PTPRM: variants seen among roughly 807,000 people sequenced by gnomAD.
The protein encoded by PTPRM is protein tyrosine phosphatase receptor type M, also known as receptor-type tyrosine-protein phosphatase mu.
In PTPRM, 47 loss-of-function variants were observed where a neutral mutation model predicts 186.7. That is an observed-to-expected ratio of 0.25 (90% confidence interval 0.20 to 0.32). The LOEUF (loss-of-function observed/expected upper bound fraction) is 0.32. PTPRM is among the 10% of genes least tolerant of loss of function. The pLI, the probability that PTPRM is intolerant of heterozygous loss-of-function variation, is 1.00. For missense variants in PTPRM, 1,494 were observed against 1,865.0 expected (o/e 0.80, Z 3.66); for synonymous variants, 668 against 674.9 (o/e 0.99, Z 0.16).
chr18:8,117,672 C>T (rs1445716482), intron 13 of PTPRM, among the ~76,000 whole-genome samples: 2 of 152,002 alleles, frequency 1.3e-5, no homozygotes, highest in Non-Finnish European at 2.9e-5. Flanking sequence ...GCATCCTCTT[C>T]GTTTATGCAC....
At chr18:7,901,556 G>A (rs1345578778) in intron 3 of PTPRM, among the ~76,000 whole-genome samples, 3 of 151,992 alleles carry the variant, frequency 2.0e-5, no homozygotes, top group African/African-American at 7.2e-5. Flanking sequence ...TAGTAGAGAC[G>A]GGTTTCACCA....
chr18:8,336,577 A>G (rs2095440374), intron 22 of PTPRM, among the ~76,000 whole-genome samples: 1 of 149,240 alleles, frequency 6.7e-6, no homozygotes, highest in Non-Finnish European at 1.5e-5. Flanking sequence ...AGAGAGACAG[A>G]CAGAGACAGA....
chr18:7,938,224 A>G (rs942501466), intron 5 of PTPRM, among the ~76,000 whole-genome samples: 6 of 152,222 alleles, frequency 3.9e-5, no homozygotes, highest in African/African-American at 7.2e-5. Flanking sequence ...GACAATTCCT[A>G]TGCAAATTCA....
At chr18:7,707,571 C>A (rs1484245385) in intron 1 of PTPRM, among the ~76,000 whole-genome samples, 1 of 152,070 alleles carries the variant, frequency 6.6e-6, no homozygotes, top group Admixed American at 6.6e-5. Context: ...CCCAGGAATT[C>A]GAGGCTACGG....
At chr18:8,325,995 G>GT (rs1355922314) in intron 22 of PTPRM, among the ~76,000 whole-genome samples, 26 of 152,078 alleles carry the variant, frequency 1.7e-4, no homozygotes, top group South Asian at 4.1e-4. Flanking sequence ...ATCTGTTCCT[G>GT]TTTTTTGCCA....
intron 14 of PTPRM, among the ~76,000 whole-genome samples, chr18:8,208,710 C>G (rs2146931788): frequency 6.6e-6 from 1 of 152,312 alleles, no homozygotes; most frequent in African/African-American, 2.4e-5. Context: ...CAGAATCTCA[C>G]TATGTTGCCC....
intron 22 of PTPRM, among the ~76,000 whole-genome samples, chr18:8,332,305 T>TTCCCAGGC (rs1223868642): frequency 6.6e-6 from 1 of 152,212 alleles, no homozygotes; most frequent in East Asian, 1.9e-4. Flanking sequence ...AGACAGAGGT[T>TTCCCAGGC]TCCCAGGCTA....
intron 14 of PTPRM, among the ~76,000 whole-genome samples, chr18:8,227,185 A>G (rs1234416946): frequency 6.6e-6 from 1 of 152,210 alleles, no homozygotes; most frequent in East Asian, 1.9e-4. Flanking sequence ...CCAACCTAAT[A>G]AAATATATTC....
At chr18:7,812,202 C>T (rs1010632528) in intron 2 of PTPRM, among the ~76,000 whole-genome samples, 1 of 152,156 alleles carries the variant, frequency 6.6e-6, no homozygotes, top group South Asian at 2.1e-4. Flanking sequence ...TTTTTCTCTG[C>T]CCATCATTCA....
rs1350603703 is a variant in PTPRM, at chr18:8,343,424, G to A, written c.2958G>A (p.Gly986=). The change falls in exon 23 of 33, where the codon GGG becomes GGA. Residue 986 remains glycine, a splice_region_variant and synonymous_variant. Transcript: ENST00000580170. ...HRPNHYIATQ[G]PMQETIYDFW... is the part of the protein sequence containing the mutation. ...AGTTTCTGTTGTGTTTTGCTGCAGG[G>A]CCAATGCAGGAAACCATCTATGACT... The A allele has an allele frequency of 4.3e-6, 7 of 1,612,614 alleles. No homozygotes were observed. Among genetic ancestry groups the A allele is most frequent in the Non-Finnish European group, 5.9e-6 (7 of 1,179,566 alleles).
intron 31 of PTPRM, 142 bp from the exon 32 acceptor site, chr18:8,394,334 C>T: frequency 1.2e-6 from 1 of 858,884 alleles, no homozygotes; most frequent in Non-Finnish European, 1.7e-6. Context: ...TTAAAAGAAT[C>T]TGCCCAGGTA....
At chr18:8,170,715 A>G (rs1225316186) in intron 14 of PTPRM, among the ~76,000 whole-genome samples, 1 of 152,222 alleles carries the variant, frequency 6.6e-6, no homozygotes, top group Non-Finnish European at 1.5e-5. Flanking sequence ...GAGCCAGTCC[A>G]GGCACTTTAA....
intron 1 of PTPRM, among the ~76,000 whole-genome samples, chr18:7,684,403 C>T (rs1265909352): frequency 6.6e-6 from 1 of 151,986 alleles, no homozygotes; most frequent in Admixed American, 6.6e-5. Flanking sequence ...TTTGAGTGTA[C>T]CATATGTTAT....
chr18:8,302,656 G>A (rs1041927487), intron 20 of PTPRM, among the ~76,000 whole-genome samples: 6 of 152,074 alleles, frequency 3.9e-5, no homozygotes, highest in African/African-American at 1.4e-4. Context: ...AGAAGTAATG[G>A]ACCCAACCGA....
At chr18:7,678,568 G>A (rs1157614706) in intron 1 of PTPRM, among the ~76,000 whole-genome samples, 1 of 152,012 alleles carries the variant, frequency 6.6e-6, no homozygotes, top group African/African-American at 2.4e-5. Context: ...TTTGGTTTGT[G>A]TTTTTCTCCA....
chr18:8,240,829 A>AGAGAGAGAGAGG (rs2094426285), intron 14 of PTPRM, among the ~76,000 whole-genome samples: 1 of 19,642 alleles, frequency 5.1e-5, no homozygotes, highest in Admixed American at 4.4e-4. Context: ...AGAGAGAGAA[A>AGAGAGAGAGAGG]GAAAGAAAGA....
At chr18:7,897,761 C>G (rs768034776) in intron 3 of PTPRM, among the ~76,000 whole-genome samples, 1 of 152,060 alleles carries the variant, frequency 6.6e-6, no homozygotes, top group Non-Finnish European at 1.5e-5. Context: ...GCATATCAAC[C>G]CTGTTCTTTA....
At chr18:8,187,815 A>G (rs1601097567) in intron 14 of PTPRM, among the ~76,000 whole-genome samples, 1 of 152,310 alleles carries the variant, frequency 6.6e-6, no homozygotes. Flanking sequence ...TGGTTTCATG[A>G]GATTACCACA....
chr18:8,208,942 G>T (rs1007799252), intron 14 of PTPRM, among the ~76,000 whole-genome samples: 1 of 152,192 alleles, frequency 6.6e-6, no homozygotes, highest in Non-Finnish European at 1.5e-5. Flanking sequence ...TGCTCTGGGA[G>T]GGGACAGCAA....
Sources: allele counts gnomAD v4.1 joint callset (sites outside exome capture counted in the v4.1 genomes callset), GRCh38; gene constraint gnomAD v4.1.1; transcripts MANE v1.5; gene names NCBI Gene and HGNC (gene_info 2026-07-23, HGNC 2026-07-21).